PDPK1: variants seen among roughly 807,000 people sequenced by gnomAD.
PDPK1 encodes the protein 3-phosphoinositide-dependent protein kinase 1.
Under a neutral mutation model 39.8 loss-of-function variants are expected in PDPK1, and 7 were observed. That is an observed-to-expected ratio of 0.18 (90% CI 0.10 to 0.33). The LOEUF (loss-of-function observed/expected upper bound fraction) is 0.33. Ranked by LOEUF, PDPK1 falls within the 10% of genes least tolerant of loss-of-function variation. PDPK1 has a pLI of 1.00. For missense variants in PDPK1, 182 were observed against 384.7 expected, an observed-to-expected ratio of 0.47 and a Z score of 4.41; for synonymous variants, 118 against 159.1, an observed-to-expected ratio of 0.74 and a Z score of 1.95.
intron 10 of PDPK1, among the ~76,000 whole-genome samples, chr16:2,585,639 CCGTGGAGGGGTCGG>C (rs1170718294): frequency 4.6e-5 from 7 of 152,194 alleles, no homozygotes; most frequent in Non-Finnish European, 7.4e-5. Flanking sequence ...GGCCCACACC[CCGTGGAGGGGTCGG>C]CGTGGAGGGG....
Position 2,598,144 on chromosome 16 carries a change from C to T in PDPK1, c.*377C>T, listed in dbSNP as rs996643932. The T allele has an allele frequency of 3.3e-5, 9 of 272,476 alleles. No homozygotes were observed. The highest frequency in any genetic ancestry group is 1.0e-3 in the Middle Eastern group (1 of 984). The allele number at this position is 272,476 out of a possible 1,614,324, so 16.9% of individuals were successfully genotyped here. A position where few individuals can be genotyped will look rare whatever the true frequency, so the allele number is the denominator to read the frequency against. On this transcript the variant is annotated 3_prime_UTR_variant, in exon 14 of 14. Coordinates refer to ENST00000342085, the MANE Select transcript of PDPK1 (RefSeq NM_002613.5). ...TCCGAACCATGCGCCCGCCCTGCCCCAACTGTGTGCTGGTCCTGCTGTGGC... is the reference window on the plus strand; with the variant it reads ...TCCGAACCATGCGCCCGCCCTGCCCTAACTGTGTGCTGGTCCTGCTGTGGC...
At chr16:2,542,582 G>A (rs1219577949) in intron 1 of PDPK1, among the ~76,000 whole-genome samples, 1 of 152,132 alleles carries the variant, frequency 6.6e-6, no homozygotes, top group African/African-American at 2.4e-5. Context: ...TTGAGCACAC[G>A]GCCCCCTGCA....
chr16:2,538,425 G>A (rs1417872911), intron 1 of PDPK1: 15 of 404,712 alleles, frequency 3.7e-5, no homozygotes, highest in Non-Finnish European at 5.4e-5. Context: ...CGGGGTGGAA[G>A]TGCCTGGAAA....
Position 2,602,986 on chromosome 16 carries a change from A to T in PDPK1, c.*5219A>T, listed in dbSNP as rs2067249071. 4.3e-6 allele frequency: 1 copy of T among 230,820 alleles called. No homozygotes were observed. The highest frequency in any genetic ancestry group is 5.6e-5 in the Admixed American group (1 of 17,706). 14.3% of individuals were successfully genotyped at this position (230,820 alleles called of 1,614,324 possible). A position where few individuals can be genotyped will look rare whatever the true frequency, so the allele number is the denominator to read the frequency against. ...TTGATGTACAGCCTTGAATGTGAAT[A>T]ATTATTGTAAACTATATTTTACAAC... is the stretch of plus-strand genomic sequence containing the variant. On this transcript the variant is annotated 3_prime_UTR_variant, in exon 14 of 14. Coordinates refer to ENST00000342085, the MANE Select transcript of PDPK1 (RefSeq NM_002613.5).
At chr16:2,538,817 G>A in intron 1 of PDPK1, 1 of 1,221,710 alleles carries the variant, frequency 8.2e-7, no homozygotes, top group Non-Finnish European at 1.1e-6. Flanking sequence ...CACTTGTTGG[G>A]TGAAATGTTT....
intron 11 of PDPK1, among the ~76,000 whole-genome samples, chr16:2,587,458 G>A (rs1274124382): frequency 6.6e-6 from 1 of 152,106 alleles, no homozygotes; most frequent in African/African-American, 2.4e-5. Flanking sequence ...ATGACCATTT[G>A]TGTTTCTTTT....
intron 1 of PDPK1, among the ~76,000 whole-genome samples, chr16:2,544,185 CTG>C: frequency 6.6e-6 from 1 of 152,284 alleles, no homozygotes; most frequent in Middle Eastern, 3.4e-3. Flanking sequence ...GGATGGCAGA[CTG>C]TATGTACTCT....
intron 11 of PDPK1, among the ~76,000 whole-genome samples, chr16:2,589,754 C>T (rs1455691868): frequency 1.3e-5 from 2 of 150,106 alleles, no homozygotes; most frequent in East Asian, 2.0e-4. Context: ...ATAGTTTACA[C>T]TTAAAAGGAA....
At chr16:2,538,787 G>A (rs1167763195) in intron 1 of PDPK1, 2 of 1,278,302 alleles carry the variant, frequency 1.6e-6, no homozygotes, top group Admixed American at 2.4e-5. Flanking sequence ...AGGGATTTTA[G>A]GGGAAGGACC....
chr16:2,601,199 G>A lies in PDPK1; in HGVS notation c.*3432G>A. ...GATATTTCTGTCTCTCTCTCGACCT[G>A]ATGTGTAGACGCTCACTTCCAGTAG... is the stretch of plus-strand genomic sequence containing the variant. On this transcript the variant is annotated 3_prime_UTR_variant, in exon 14 of 14. Transcript: ENST00000342085. 1 of 233,892 alleles carries A rather than the reference G, an allele frequency of 4.3e-6. No individual in the cohort carries two copies. The highest frequency in any genetic ancestry group is 8.5e-6 in the Non-Finnish European group (1 of 117,928). 14.5% of individuals were successfully genotyped at this position (233,892 alleles called of 1,614,324 possible).
At chr16:2,560,151 A>C (rs1287090836) in intron 2 of PDPK1, among the ~76,000 whole-genome samples, 1 of 151,848 alleles carries the variant, frequency 6.6e-6, no homozygotes, top group Non-Finnish European at 1.5e-5. Flanking sequence ...TCCTTCTTGT[A>C]GGAAACCTGC....
chr16:2,601,853 A>G lies in PDPK1; in HGVS notation c.*4086A>G, dbSNP rs2335110. 0.019 allele frequency: 4,404 copies of G among 230,464 alleles called. 192 individuals are homozygous for G. Among genetic ancestry groups the G allele is most frequent in the African/African-American group, 0.087 (3,935 of 45,040 alleles). 14.3% of individuals were successfully genotyped at this position (230,464 alleles called of 1,614,324 possible). A position where few individuals can be genotyped will look rare whatever the true frequency, so the allele number is the denominator to read the frequency against. ...CAGTGTTGCAGATTGCCTGGCTGGC[A>G]GCAAGTCCAGACCACCCAAATTTGG... is the stretch of plus-strand genomic sequence containing the variant. On this transcript the variant is annotated 3_prime_UTR_variant, in exon 14 of 14. Transcript: ENST00000342085.
At chr16:2,585,204 G>A (rs910184090) in intron 10 of PDPK1, among the ~76,000 whole-genome samples, 3 of 152,198 alleles carry the variant, frequency 2.0e-5, no homozygotes, top group African/African-American at 7.2e-5. Flanking sequence ...CTGAGAGCTG[G>A]GGCTGCTTGA....
chr16:2,539,099 G>GA lies in PDPK1; in HGVS notation c.24+964dup, dbSNP rs1165940116. The stretch of plus-strand genomic sequence containing the variant: ...GCGGCTTTTTTTTTTTTTTTTTTTT[G>GA]ATGGAGTCTCCCTCTCGACGCGCAG... On this transcript the variant is annotated intron_variant, in intron 1 of 13. Transcript: ENST00000342085. 7.2e-5 allele frequency: 7 copies of GA among 97,292 alleles called. No individual in the cohort carries two copies. The African/African-American group carries it at 1.1e-3, about 15-fold the overall frequency. The allele number at this position is 97,292 out of a possible 1,614,324, so 6.0% of individuals were successfully genotyped here.
chr16:2,540,555 C>A (rs1020416198), intron 1 of PDPK1, among the ~76,000 whole-genome samples: 1 of 152,180 alleles, frequency 6.6e-6, no homozygotes, highest in Non-Finnish European at 1.5e-5. Context: ...AGGAAATCTT[C>A]AGTGCCACTG....
rs1283186778 is a variant in PDPK1 at position 2,601,779 on chromosome 16, T to G, written c.*4012T>G. ...TGGCTTTTTCATTGTAGGGCGTGGT[T>G]GTCCCAGCTGGTGTAGATTTCAGGC... On this transcript the variant is annotated 3_prime_UTR_variant, in exon 14 of 14. Coordinates refer to ENST00000342085, the MANE Select transcript of PDPK1 (RefSeq NM_002613.5). The G allele has an allele frequency of 4.6e-6, 1 of 217,136 alleles. No homozygotes were observed. The highest frequency in any genetic ancestry group is 2.3e-5 in the African/African-American group (1 of 43,806). 13.5% of individuals were successfully genotyped at this position (217,136 alleles called of 1,614,324 possible). A position where few individuals can be genotyped will look rare whatever the true frequency, so the allele number is the denominator to read the frequency against.
intron 1 of PDPK1, chr16:2,538,368 C>T (rs1310814568): frequency 1.3e-5 from 5 of 381,006 alleles, no homozygotes; most frequent in East Asian, 1.5e-4. Context: ...GGGGCGCTGA[C>T]AGACGCGCGG....
At position 2,598,911 on chromosome 16, in the gene PDPK1, TCA is replaced by T. The variant is rs988270638; in HGVS notation, c.*1147_*1148del. The T allele has an allele frequency of 2.1e-5, 5 of 233,238 alleles. No individual in the cohort carries two copies. Among genetic ancestry groups the T allele is most frequent in the African/African-American group, 6.6e-5 (3 of 45,352 alleles). The allele number at this position is 233,238 out of a possible 1,614,324, so 14.4% of individuals were successfully genotyped here. A position where few individuals can be genotyped will look rare whatever the true frequency, so the allele number is the denominator to read the frequency against. On this transcript the variant is annotated 3_prime_UTR_variant, in exon 14 of 14. Coordinates refer to ENST00000342085, the MANE Select transcript of PDPK1 (RefSeq NM_002613.5). ...CTTCTACATCTGTGCATCAGAAATCTCACAGCCTTCTCATGCTGCCGGCTCAT... is the reference window on the plus strand; with the variant it reads ...CTTCTACATCTGTGCATCAGAAATCTCAGCCTTCTCATGCTGCCGGCTCAT...
At position 2,597,834 on chromosome 16, in the gene PDPK1, C is replaced by A; in HGVS notation, c.*67C>A. 1 of 1,064,410 alleles carries A rather than the reference C, an allele frequency of 9.4e-7. No individual in the cohort carries two copies. The highest frequency in any genetic ancestry group is 1.4e-6 in the Non-Finnish European group (1 of 694,962). 65.9% of individuals were successfully genotyped at this position (1,064,410 alleles called of 1,614,324 possible). A position where few individuals can be genotyped will look rare whatever the true frequency, so the allele number is the denominator to read the frequency against. On this transcript the variant is annotated 3_prime_UTR_variant, in exon 14 of 14. Transcript: ENST00000342085. The surrounding 1 kb of genome is among the most constrained non-coding windows in gnomAD (Gnocchi z 6.3). ...GCCCCAGCGCGGCTTGGCCGCCATC[C>A]GGGACGCTTCCAGACCACCTGCCAG... is the stretch of plus-strand genomic sequence containing the variant.
Sources: allele counts gnomAD v4.1 joint callset (sites outside exome capture counted in the v4.1 genomes callset), GRCh38; gene constraint gnomAD v4.1.1; non-coding constraint Gnocchi (gnomAD v3.1); transcripts MANE v1.5; gene names NCBI Gene and HGNC (gene_info 2026-07-23, HGNC 2026-07-21).